CRADD: variants seen among roughly 807,000 people sequenced by gnomAD.
CRADD encodes death domain-containing protein CRADD.
A neutral mutation model predicts 15.5 loss-of-function variants in CRADD; 9 were observed. The ratio of observed to expected loss-of-function variants is 0.58; its 90% CI spans 0.35 to 1.01. CRADD has a LOEUF of 1.01. Among genes scored for constraint, CRADD ranks in the 50% least tolerant of loss-of-function variants. CRADD has a pLI of 0.02. For synonymous variants in CRADD, 118 were observed against 107.6 expected (o/e 1.10, Z -0.60); for missense variants, 227 against 250.3 (o/e 0.91, Z 0.63).
chr12:93,737,783 C>G (rs1173216878), intron 2 of CRADD: 1 of 152,956 alleles, frequency 6.5e-6, no homozygotes, highest in African/African-American at 2.4e-5. Context: ...TGTTTCATAG[C>G]CTTCCCGGGC....
chr12:93,817,533 G>A (rs1284676153), intron 2 of CRADD, among the ~76,000 whole-genome samples: 1 of 152,082 alleles, frequency 6.6e-6, no homozygotes, highest in Non-Finnish European at 1.5e-5. Context: ...TATGGTTGGC[G>A]GGCTGAATTT....
chr12:93,684,967 C>T (rs1369908601), intron 2 of CRADD, among the ~76,000 whole-genome samples: 2 of 152,074 alleles, frequency 1.3e-5, no homozygotes, highest in Non-Finnish European at 2.9e-5. Context: ...TGTGTGCAGC[C>T]GTGATCTTGT....
At chr12:93,691,190 G>A (rs1955558925) in intron 2 of CRADD, among the ~76,000 whole-genome samples, 1 of 151,700 alleles carries the variant, frequency 6.6e-6, no homozygotes, top group Admixed American at 6.6e-5. Context: ...AATTCATTCA[G>A]GAGACAGAAA....
chr12:93,877,426 C>T (rs1225415246), intron 2 of CRADD, among the ~76,000 whole-genome samples: 2 of 152,212 alleles, frequency 1.3e-5, no homozygotes, highest in African/African-American at 2.4e-5. Context: ...GTGGCAAAGT[C>T]CCCCAGACAC....
At chr12:93,800,131 C>T (rs942563283) in intron 2 of CRADD, among the ~76,000 whole-genome samples, 3 of 151,960 alleles carry the variant, frequency 2.0e-5, no homozygotes, top group Non-Finnish European at 2.9e-5. Context: ...ACATAATTTT[C>T]GAGGCTGAGA....
At chr12:93,868,132 T>C (rs1392292800) in intron 2 of CRADD, among the ~76,000 whole-genome samples, 1 of 152,184 alleles carries the variant, frequency 6.6e-6, no homozygotes, top group East Asian at 1.9e-4. Flanking sequence ...TGGATTTAGT[T>C]TGACTCAACA....
chr12:93,876,161 AT>A (rs1321934409), intron 2 of CRADD, among the ~76,000 whole-genome samples: 1 of 151,756 alleles, frequency 6.6e-6, no homozygotes, highest in Non-Finnish European at 1.5e-5. Context: ...TTCTCTTTTC[AT>A]TTCCACTGTA....
At chr12:93,715,584 G>A (rs568364853) in intron 2 of CRADD, among the ~76,000 whole-genome samples, 1 of 152,116 alleles carries the variant, frequency 6.6e-6, no homozygotes, top group African/African-American at 2.4e-5. Context: ...GACCAGCCTG[G>A]ACAACATGGC....
intron 2 of CRADD, among the ~76,000 whole-genome samples, chr12:93,827,983 T>A (rs574694608): frequency 6.6e-6 from 1 of 152,346 alleles, no homozygotes; most frequent in African/African-American, 2.4e-5. Context: ...TCATGTAGTA[T>A]TTGTCTTTCT....
intron 2 of CRADD, among the ~76,000 whole-genome samples, chr12:93,743,781 G>A (rs1333505132): frequency 6.6e-6 from 1 of 152,060 alleles, no homozygotes; most frequent in African/African-American, 2.4e-5. Flanking sequence ...AGAAACAATG[G>A]CAAAATTTCC....
intron 2 of CRADD, among the ~76,000 whole-genome samples, chr12:93,702,391 G>A (rs894155339): frequency 6.6e-6 from 1 of 151,888 alleles, no homozygotes; most frequent in African/African-American, 2.4e-5. Flanking sequence ...CTTCCAGGGT[G>A]TTGACATCAT....
intron 2 of CRADD, among the ~76,000 whole-genome samples, chr12:93,783,274 T>TA (rs1957233837): frequency 1.4e-5 from 2 of 140,566 alleles, no homozygotes; most frequent in African/African-American, 5.3e-5. Context: ...TTATTATTAT[T>TA]TTACAGATGA....
intron 2 of CRADD, among the ~76,000 whole-genome samples, chr12:93,766,292 A>G (rs540352721): frequency 2.0e-5 from 3 of 152,300 alleles, no homozygotes; most frequent in East Asian, 3.9e-4. Context: ...GCCACCATGC[A>G]GTGTCTTCTT....
intron 2 of CRADD, among the ~76,000 whole-genome samples, chr12:93,700,837 C>T (rs979728734): frequency 5.9e-5 from 9 of 152,102 alleles, no homozygotes; most frequent in Non-Finnish European, 7.4e-5. Flanking sequence ...CTCTTTGCCA[C>T]GTTAACTCCA....
chr12:93,790,501 T>A lies in CRADD; in HGVS notation c.299-59469T>A, dbSNP rs540904494. 6.7e-4 allele frequency among the ~76,000 whole-genome samples: 101 copies of A among 151,300 alleles called. 1 individual carries two copies. Among genetic ancestry groups the A allele is most frequent in the Admixed American group, 4.7e-3 (72 of 15,158 alleles). ...AAAAAGAAACTCAACTAAAGCATGG[T>A]CTGCATACTTGTGTGTATATTTTCG... On this transcript the variant is annotated intron_variant, in intron 2 of 2. Coordinates refer to ENST00000332896, the MANE Select transcript of CRADD (RefSeq NM_003805.5).
At chr12:93,799,076 AG>A (rs1397092782) in intron 2 of CRADD, among the ~76,000 whole-genome samples, 2 of 152,210 alleles carry the variant, frequency 1.3e-5, no homozygotes, top group Admixed American at 1.3e-4. Context: ...CATTTCTACC[AG>A]GGTAACTTTG....
intron 2 of CRADD, among the ~76,000 whole-genome samples, chr12:93,826,043 A>G (rs1957819934): frequency 6.6e-6 from 1 of 152,212 alleles, no homozygotes; most frequent in Non-Finnish European, 1.5e-5. Context: ...CTTCAGGAAA[A>G]TCTGAAAGCC....
intron 2 of CRADD, among the ~76,000 whole-genome samples, chr12:93,739,346 A>G (rs916868204): frequency 6.6e-6 from 1 of 151,806 alleles, no homozygotes; most frequent in African/African-American, 2.4e-5. Flanking sequence ...ATATATATAT[A>G]TATCTAAAGT....
chr12:93,815,055 T>C (rs1200349890), intron 2 of CRADD: 1 of 152,162 alleles, frequency 6.6e-6, no homozygotes, highest in Non-Finnish European at 1.5e-5. Flanking sequence ...CTGGTGACAT[T>C]GGATGGGCAG....
Sources: gnomAD v4.1 joint callset for allele counts (sites outside exome capture counted in the v4.1 genomes callset) on GRCh38, gnomAD v4.1.1 for gene constraint, MANE v1.5 for transcripts, NCBI Gene and HGNC (gene_info 2026-07-23, HGNC 2026-07-21) for gene names.